Variants in ATXN1 observed in about 807,000 individuals in gnomAD.
ATXN1 encodes ataxin 1.
A neutral mutation model predicts 56.4 loss-of-function variants in ATXN1; 8 were observed. The observed-to-expected ratio is 0.14, with a 90% confidence interval of 0.08 to 0.26. The LOEUF is 0.26. ATXN1 is among the 10% of genes least tolerant of loss of function. The probability of loss-of-function intolerance (pLI) is 1.00; values close to 1 mark genes in which losing one functional copy is unlikely to be tolerated. For synonymous variants in ATXN1, 514 were observed against 494.6 expected, an observed-to-expected ratio of 1.04 and a Z score of -0.52; for missense variants, 987 against 1,106.5, an observed-to-expected ratio of 0.89 and a Z score of 1.53.
At chr6:16,606,841 TG>T (rs1366207896) in intron 3 of ATXN1, among the ~76,000 whole-genome samples, 2 of 90,334 alleles carry the variant, frequency 2.2e-5, no homozygotes, top group African/African-American at 7.4e-5. Context: ...AATTGAATTT[TG>T]GGGGAAAGTA....
intron 5 of ATXN1, among the ~76,000 whole-genome samples, chr6:16,495,096 G>A (rs1175890317): frequency 1.3e-5 from 2 of 152,224 alleles, no homozygotes; most frequent in Non-Finnish European, 2.9e-5. Context: ...TGTGCCTCAT[G>A]CTTTGATAAT....
chr6:16,348,071 C>T (rs1761470119), intron 6 of ATXN1, among the ~76,000 whole-genome samples: 1 of 152,112 alleles, frequency 6.6e-6, no homozygotes, highest in African/African-American at 2.4e-5. Flanking sequence ...CGCAAGGGTC[C>T]ACGGCTTAAT....
chr6:16,487,873 GAGC>G (rs1760581811), intron 5 of ATXN1, among the ~76,000 whole-genome samples: 1 of 152,154 alleles, frequency 6.6e-6, no homozygotes, highest in Non-Finnish European at 1.5e-5. Flanking sequence ...AGTCAAAAAT[GAGC>G]AGAAGTTAGC....
intron 5 of ATXN1, among the ~76,000 whole-genome samples, chr6:16,505,391 A>G (rs1022432494): frequency 5.3e-5 from 8 of 152,178 alleles, no homozygotes; most frequent in Non-Finnish European, 1.2e-4. Flanking sequence ...TGGTATCAGG[A>G]CTATTTTTGC....
chr6:16,444,071 G>A (rs1356741636), intron 6 of ATXN1, among the ~76,000 whole-genome samples: 4 of 150,670 alleles, frequency 2.7e-5, no homozygotes, highest in African/African-American at 9.8e-5. Flanking sequence ...AGCCGAGATT[G>A]CGCCACTGCA....
chr6:16,593,239 A>G (rs1043444018), intron 3 of ATXN1, among the ~76,000 whole-genome samples: 1 of 152,188 alleles, frequency 6.6e-6, no homozygotes, highest in African/African-American at 2.4e-5. Flanking sequence ...AGTTACTGTC[A>G]GCCTCCCCCT....
rs549617442 is a variant in ATXN1, at chr6:16,381,561, C to T, written c.-160-53091G>A. 9.9e-5 allele frequency among the ~76,000 whole-genome samples: 15 copies of T among 152,268 alleles called. No homozygotes were observed. The East Asian group carries it at 1.7e-3, about 18-fold the overall frequency. On this transcript the variant is annotated intron_variant, in intron 6 of 7. Transcript: ENST00000436367. ...GAAAAATATTACAGGCATATAATGC[C>T]GTTTGTGTGTGAAGGAATGACTTCA...
intron 3 of ATXN1, among the ~76,000 whole-genome samples, chr6:16,592,654 G>A (rs544916955): frequency 1.3e-5 from 2 of 152,194 alleles, no homozygotes; most frequent in East Asian, 3.9e-4. Flanking sequence ...TCTCCTAGCT[G>A]ATTCTGTGTC....
At chr6:16,598,578 C>T (rs9367916) in intron 3 of ATXN1, among the ~76,000 whole-genome samples, 5,320 of 152,236 alleles carry the variant, frequency 0.035, 107 homozygotes, top group East Asian at 0.1. Flanking sequence ...TAAAACTACG[C>T]GGCCCAGACC....
At chr6:16,457,874 T>G (rs561626708) in intron 6 of ATXN1, among the ~76,000 whole-genome samples, 71 of 152,288 alleles carry the variant, frequency 4.7e-4, no homozygotes, top group South Asian at 2.1e-3. Flanking sequence ...GGCTATCAGT[T>G]ATGTCTCCTT....
intron 6 of ATXN1, among the ~76,000 whole-genome samples, chr6:16,426,435 AACAG>A (rs1308951345): frequency 6.6e-6 from 1 of 152,116 alleles, no homozygotes; most frequent in Non-Finnish European, 1.5e-5. Flanking sequence ...TTCAGAGGGA[AACAG>A]ACAGCTCTTC....
chr6:16,737,084 A>G (rs1458509445), intron 2 of ATXN1: 1 of 152,238 alleles, frequency 6.6e-6, no homozygotes, highest in Non-Finnish European at 1.5e-5. Context: ...ACGCATAGAC[A>G]CACAGACACA....
chr6:16,708,786 G>A (rs1331656046), intron 2 of ATXN1, among the ~76,000 whole-genome samples: 1 of 152,182 alleles, frequency 6.6e-6, no homozygotes, highest in African/African-American at 2.4e-5. Context: ...AGCACTTTGG[G>A]AGGCCAAGGC....
At chr6:16,487,834 C>G (rs1476032824) in intron 5 of ATXN1, among the ~76,000 whole-genome samples, 3 of 152,186 alleles carry the variant, frequency 2.0e-5, no homozygotes, top group Non-Finnish European at 4.4e-5. Context: ...AGGAAGGCTT[C>G]TCTTACAAAA....
At position 16,486,425 on chromosome 6, in the gene ATXN1, A is replaced by G. The variant is rs553251150; in HGVS notation, c.-298-316T>C. 5.9e-5 allele frequency among the ~76,000 whole-genome samples: 9 copies of G among 152,336 alleles called. No individual in the cohort carries two copies. The East Asian group carries it at 1.7e-3, about 29-fold the overall frequency. On this transcript the variant is annotated intron_variant, in intron 5 of 7. Transcript: ENST00000436367. ...TCTTCTGCAAAAGGAGGCAAGGACT[A>G]GCACCTTCTGCCACTGTCATATCTT...
intron 6 of ATXN1, among the ~76,000 whole-genome samples, chr6:16,478,435 T>C (rs896770928): frequency 1.3e-5 from 2 of 152,156 alleles, no homozygotes; most frequent in African/African-American, 2.4e-5. Flanking sequence ...GCCATTGAGG[T>C]TGCCAAACAG....
At chr6:16,539,131 G>C (rs1180562757) in intron 4 of ATXN1, among the ~76,000 whole-genome samples, 1 of 152,202 alleles carries the variant, frequency 6.6e-6, no homozygotes, top group Non-Finnish European at 1.5e-5. Flanking sequence ...ATGCTGGCAG[G>C]TAGGTTTTAG....
intron 2 of ATXN1, among the ~76,000 whole-genome samples, chr6:16,675,818 G>A (rs1758650050): frequency 6.6e-6 from 1 of 152,142 alleles, no homozygotes; most frequent in African/African-American, 2.4e-5. Context: ...GAACCTGGGA[G>A]GTGGAGGCTG....
chr6:16,393,046 G>T (rs1443745494), intron 6 of ATXN1, among the ~76,000 whole-genome samples: 1 of 152,130 alleles, frequency 6.6e-6, no homozygotes, highest in Admixed American at 6.5e-5. Context: ...TTTCTTTTAA[G>T]AAGTTTCAAG....
Sources: allele counts gnomAD v4.1 joint callset (sites outside exome capture counted in the v4.1 genomes callset), GRCh38; gene constraint gnomAD v4.1.1; transcripts MANE v1.5; gene names NCBI Gene and HGNC (gene_info 2026-07-23, HGNC 2026-07-21).